EPHA6: variants seen among roughly 807,000 people sequenced by gnomAD.
EPHA6 encodes EPH receptor A6, also known as ephrin type-A receptor 6.
EPHA6 carries 50 observed loss-of-function variants against 112.0 expected under a neutral mutation model. The ratio of observed to expected loss-of-function variants is 0.45; its 90% confidence interval spans 0.36 to 0.56. EPHA6 has a LOEUF of 0.56. Ranked by LOEUF, EPHA6 falls within the 20% of genes least tolerant of loss-of-function variation. The pLI, the probability that EPHA6 is intolerant of heterozygous loss-of-function variation, is 0.00. For missense variants in EPHA6, 1,280 were observed against 1,417.4 expected, an observed-to-expected ratio of 0.90 and a Z score of 1.56; for synonymous variants, 529 against 490.7, an observed-to-expected ratio of 1.08 and a Z score of -1.03.
chr3:97,183,701 G>A (rs933980024), intron 3 of EPHA6, among the ~76,000 whole-genome samples: 2 of 151,946 alleles, frequency 1.3e-5, no homozygotes, highest in African/African-American at 2.4e-5. Context: ...TGTGTGTGTG[G>A]TGTGTGGGTG....
At chr3:97,217,820 C>T (rs2078074008) in intron 3 of EPHA6, among the ~76,000 whole-genome samples, 2 of 152,086 alleles carry the variant, frequency 1.3e-5, no homozygotes, top group African/African-American at 2.4e-5. Context: ...AGATGTGAGT[C>T]CATCTCTGAA....
chr3:97,175,462 G>T (rs533122839), intron 3 of EPHA6, among the ~76,000 whole-genome samples: 5 of 151,728 alleles, frequency 3.3e-5, no homozygotes, highest in African/African-American at 1.2e-4. Context: ...AATTGTGTTA[G>T]ATCTGTGGAT....
At chr3:97,733,996 CCTGCCA>C (rs1165082051) in intron 15 of EPHA6, among the ~76,000 whole-genome samples, 2 of 151,922 alleles carry the variant, frequency 1.3e-5, no homozygotes, top group Non-Finnish European at 2.9e-5. Context: ...AAATTTCAAC[CCTGCCA>C]CTTACTAGCT....
At chr3:96,840,806 A>T (rs997376326) in intron 1 of EPHA6, among the ~76,000 whole-genome samples, 1 of 152,100 alleles carries the variant, frequency 6.6e-6, no homozygotes, top group Non-Finnish European at 1.5e-5. Context: ...AAAGATGGAG[A>T]TGTACTTCCT....
In EPHA6 at chr3:97,754,599, T is replaced by G. The variant is rs1482652829; in HGVS notation, c.*5898T>G. 6.6e-6 allele frequency among the ~76,000 whole-genome samples: 1 copy of G among 152,250 alleles called. No individual in the cohort carries two copies. Among genetic ancestry groups the G allele is most frequent in the African/African-American group, 2.4e-5 (1 of 41,466 alleles). On this transcript the variant is annotated 3_prime_UTR_variant, in exon 18 of 18. Transcript: ENST00000389672. Reference sequence around the variant, plus strand: ...CAAAGCACTAGGAAATGAATAAACTTTACCTTTTAAAAAGGAATCTGTCAA... The same window carrying G: ...CAAAGCACTAGGAAATGAATAAACTGTACCTTTTAAAAAGGAATCTGTCAA...
At chr3:96,938,840 G>C (rs1388950965) in intron 2 of EPHA6, among the ~76,000 whole-genome samples, 1 of 152,164 alleles carries the variant, frequency 6.6e-6, no homozygotes, top group Non-Finnish European at 1.5e-5. Flanking sequence ...TTTTGTCAAA[G>C]ACCTTTTCTG....
chr3:97,193,737 G>A (rs917531499), intron 3 of EPHA6, among the ~76,000 whole-genome samples: 7 of 151,894 alleles, frequency 4.6e-5, no homozygotes, highest in African/African-American at 1.7e-4. Flanking sequence ...GAGGCCTTCA[G>A]TATTTTTCCC....
chr3:97,592,553 T>A, intron 11 of EPHA6, 59 bp from the exon 12 acceptor site: 2 of 1,589,456 alleles, frequency 1.3e-6, no homozygotes, highest in Non-Finnish European at 1.7e-6. Flanking sequence ...TCCATGTAAA[T>A]GATCAATGCT....
At chr3:97,565,903 G>A (rs189174517) in intron 11 of EPHA6, among the ~76,000 whole-genome samples, 476 of 151,786 alleles carry the variant, frequency 3.1e-3, no homozygotes, top group Non-Finnish European at 4.8e-3. Context: ...TGTAGTCCCA[G>A]CTACATGGGA....
rs1453485744 is a variant in EPHA6, at chr3:97,675,912, A to C, written c.2784+37830A>C. On this transcript the variant is annotated intron_variant, in intron 14 of 17. Coordinates refer to ENST00000389672, the MANE Select transcript of EPHA6 (RefSeq NM_001080448.3). ...ATGATGTTCGGTATATTCTTAAGGT[A>C]CAGCTAACAGCATTCCTATTGCATT... is the stretch of plus-strand genomic sequence containing the variant. Among the ~76,000 whole-genome samples the C allele has an allele frequency of 3.3e-5, 5 of 152,206 alleles. No homozygotes were observed. The East Asian group carries it at 9.6e-4, about 29-fold the overall frequency.
chr3:97,100,223 CAATA>C (rs2047362820), intron 3 of EPHA6, among the ~76,000 whole-genome samples: 1 of 149,792 alleles, frequency 6.7e-6, no homozygotes, highest in Admixed American at 6.7e-5. Context: ...TCAAAGCACA[CAATA>C]AATATAGTTT....
chr3:96,816,858 C>T (rs2107194470), intron 1 of EPHA6, among the ~76,000 whole-genome samples: 1 of 152,102 alleles, frequency 6.6e-6, no homozygotes, highest in South Asian at 2.1e-4. Context: ...ATTTATTAAC[C>T]TCTTCCAGTA....
intron 11 of EPHA6, among the ~76,000 whole-genome samples, chr3:97,557,139 G>A (rs1182777274): frequency 6.6e-6 from 1 of 151,964 alleles, no homozygotes; most frequent in African/African-American, 2.4e-5. Flanking sequence ...ACATCAGTTT[G>A]TGATTTCACA....
chr3:97,281,970 A>G (rs1236862064), intron 5 of EPHA6, among the ~76,000 whole-genome samples: 1 of 152,180 alleles, frequency 6.6e-6, no homozygotes, highest in Non-Finnish European at 1.5e-5. Context: ...TGGCACACAT[A>G]ATAAGTGTTC....
At chr3:97,267,753 A>G (rs1325366420) in intron 5 of EPHA6, among the ~76,000 whole-genome samples, 4 of 152,116 alleles carry the variant, frequency 2.6e-5, no homozygotes, top group Non-Finnish European at 5.9e-5. Flanking sequence ...TTCTAGGCCC[A>G]AGAAGGAGTT....
intron 5 of EPHA6, among the ~76,000 whole-genome samples, chr3:97,397,335 T>G (rs887916327): frequency 1.3e-5 from 2 of 151,710 alleles, no homozygotes; most frequent in African/African-American, 4.8e-5. Flanking sequence ...ATTTTCTGCT[T>G]TTTATTCATT....
chr3:97,380,727 T>C (rs1403036109), intron 5 of EPHA6, among the ~76,000 whole-genome samples: 1 of 152,226 alleles, frequency 6.6e-6, no homozygotes, highest in East Asian at 1.9e-4. Flanking sequence ...GAATCCATTA[T>C]AAAGAAATAA....
chr3:97,585,514 G>A (rs2093479477), intron 11 of EPHA6, among the ~76,000 whole-genome samples: 1 of 152,142 alleles, frequency 6.6e-6, no homozygotes, highest in Non-Finnish European at 1.5e-5. Flanking sequence ...ATCTAGCCAT[G>A]AAACTGCACT....
intron 1 of EPHA6, among the ~76,000 whole-genome samples, chr3:96,852,760 A>C (rs945397645): frequency 5.9e-5 from 9 of 152,136 alleles, no homozygotes; most frequent in Non-Finnish European, 1.0e-4. Context: ...GCAGATGCAG[A>C]TAATAACTGC....
Sources: gnomAD v4.1 joint callset for allele counts (sites outside exome capture counted in the v4.1 genomes callset) on GRCh38, gnomAD v4.1.1 for gene constraint, MANE v1.5 for transcripts, NCBI Gene and HGNC (gene_info 2026-07-23, HGNC 2026-07-21) for gene names.